Variants in EVI5 observed in about 807,000 individuals in gnomAD.
The protein encoded by EVI5 is ecotropic viral integration site 5, also known as ecotropic viral integration site 5 protein homolog.
EVI5 carries 73 observed loss-of-function variants against 112.0 expected under a neutral mutation model. The observed-to-expected ratio is 0.65, with a 90% CI of 0.54 to 0.79. EVI5 has a LOEUF of 0.79. EVI5 is among the 30% of genes least tolerant of loss of function. The pLI, the probability that EVI5 is intolerant of heterozygous loss-of-function variation, is 0.00. For missense variants in EVI5, 900 were observed against 968.8 expected, an observed-to-expected ratio of 0.93 and a Z score of 0.94; for synonymous variants, 305 against 319.9, an observed-to-expected ratio of 0.95 and a Z score of 0.50.
At chr1:92,670,843 A>G (rs1047998741) in intron 10 of EVI5, among the ~76,000 whole-genome samples, 1 of 152,106 alleles carries the variant, frequency 6.6e-6, no homozygotes, top group African/African-American at 2.4e-5. Context: ...TCCTACCTGC[A>G]TTTTTGCCCA....
rs1309075169 is a variant in EVI5 at position 92,655,728 on chromosome 1, G to C, written c.1392+6991C>G. 2.6e-5 allele frequency among the ~76,000 whole-genome samples: 4 copies of C among 152,012 alleles called. No individual in the cohort carries two copies. In the East Asian group the frequency reaches 7.7e-4, roughly 29 times the overall value. ...AATCAACAACAGTGAAAAAAGACAA[G>C]GAAGGTCATTTTAAAATGATAACGG... On this transcript the variant is annotated intron_variant, in intron 13 of 19. Transcript: ENST00000684568.
chr1:92,783,498 A>AAAG (rs59405894), intron 1 of EVI5, among the ~76,000 whole-genome samples: 38,635 of 128,716 alleles, frequency 0.3, 7,161 homozygotes, highest in African/African-American at 0.42. Flanking sequence ...AAAAAAAAAA[A>AAAG]AAAAAAAAAG....
intron 13 of EVI5, among the ~76,000 whole-genome samples, chr1:92,651,308 A>G (rs1202369833): frequency 6.6e-6 from 1 of 152,222 alleles, no homozygotes; most frequent in African/African-American, 2.4e-5. Flanking sequence ...GAATAAAGAA[A>G]TTAGTTGTTA....
intron 13 of EVI5, among the ~76,000 whole-genome samples, chr1:92,648,538 C>A (rs1310369980): frequency 1.3e-5 from 2 of 151,960 alleles, no homozygotes; most frequent in African/African-American, 4.8e-5. Context: ...CTTATCTTTC[C>A]CCCATCACCA....
intron 2 of EVI5, among the ~76,000 whole-genome samples, chr1:92,717,473 C>A (rs563416182): frequency 6.6e-6 from 1 of 152,098 alleles, no homozygotes; most frequent in Non-Finnish European, 1.5e-5. Context: ...GAAATAAAAT[C>A]CTTTACAGAC....
rs1162059378 is a variant in EVI5, at chr1:92,703,559, T to A, written c.400A>T (p.Ser134Cys). ...FRAIVWQLLC[S>C]AQSMPIKDQY... ...TCCTTAATTGGCATACTTTGTGCAC[T>A]GCATAAAAGTTGCCAAACTATTGCT... The change falls in exon 4 of 20, where the codon AGT becomes TGT. Residue 134 changes from serine (S) to cysteine (C), a missense_variant. Transcript: ENST00000684568. 6.3e-7 allele frequency: 1 copy of A among 1,597,338 alleles called. No individual in the cohort carries two copies.
chr1:92,689,094 C>T (rs952199160), intron 9 of EVI5, among the ~76,000 whole-genome samples: 1 of 152,072 alleles, frequency 6.6e-6, no homozygotes, highest in Admixed American at 6.5e-5. Context: ...TGAAAAGATG[C>T]TTAGTCTTAT....
At chr1:92,628,112 G>A (rs1320097695) in intron 14 of EVI5, among the ~76,000 whole-genome samples, 2 of 152,138 alleles carry the variant, frequency 1.3e-5, no homozygotes, top group Non-Finnish European at 2.9e-5. Flanking sequence ...TTTCATGTTT[G>A]TTGGCCATTT....
At chr1:92,756,215 A>C (rs1185324049) in intron 1 of EVI5, 5 of 417,296 alleles carry the variant, frequency 1.2e-5, no homozygotes, top group African/African-American at 1.0e-4. Context: ...TTAGAAACCT[A>C]TCAGTGGAAT....
intron 1 of EVI5, among the ~76,000 whole-genome samples, chr1:92,754,861 C>A (rs1296597152): frequency 6.6e-6 from 1 of 152,128 alleles, no homozygotes; most frequent in Non-Finnish European, 1.5e-5. Context: ...CCACTGACAG[C>A]CATCCTGGAG....
intron 10 of EVI5, among the ~76,000 whole-genome samples, chr1:92,675,813 G>A (rs944815134): frequency 3.3e-5 from 5 of 151,864 alleles, no homozygotes; most frequent in African/African-American, 1.2e-4. Context: ...AAAATTAGGC[G>A]GGCTTGGTGG....
intron 13 of EVI5, among the ~76,000 whole-genome samples, chr1:92,652,341 G>A (rs1322944310): frequency 6.6e-6 from 1 of 152,110 alleles, no homozygotes; most frequent in Non-Finnish European, 1.5e-5. Context: ...CCGGAGGCTG[G>A]GAAGATGGGA....
At chr1:92,589,350 G>T in intron 18 of EVI5, among the ~76,000 whole-genome samples, 1 of 152,136 alleles carries the variant, frequency 6.6e-6, no homozygotes, top group East Asian at 1.9e-4. Flanking sequence ...AGGGGTCAGG[G>T]AATTCCCTTT....
chr1:92,605,439 G>C (rs774101357), intron 17 of EVI5, 37 bp from the exon 18 acceptor site: 1 of 1,374,744 alleles, frequency 7.3e-7, no homozygotes, highest in Non-Finnish European at 1.0e-6. Flanking sequence ...AAATAAACCA[G>C]GTGTGTTTGG....
chr1:92,702,726 A>C lies in EVI5; in HGVS notation c.565-511T>G, dbSNP rs183824219. On this transcript the variant is annotated intron_variant, in intron 4 of 19. Transcript: ENST00000684568. Reference sequence around the variant, plus strand: ...GAGGCTGAGGCAGGAGAATTGCTTGAACCTGGGAGGTGGAGGTTGCAGTGA... The same window carrying C: ...GAGGCTGAGGCAGGAGAATTGCTTGCACCTGGGAGGTGGAGGTTGCAGTGA... Among the ~76,000 whole-genome samples the C allele has an allele frequency of 3.6e-3, 546 of 151,874 alleles. 1 individual carries two copies. Among genetic ancestry groups the C allele is most frequent in the Non-Finnish European group, 4.6e-3 (311 of 67,954 alleles).
intron 13 of EVI5, among the ~76,000 whole-genome samples, chr1:92,660,600 A>G (rs1343069426): frequency 6.6e-6 from 1 of 151,998 alleles, no homozygotes; most frequent in Non-Finnish European, 1.5e-5. Context: ...CCACAAAGGA[A>G]TGTTCGAGGC....
At chr1:92,695,916 T>C (rs1001680793) in intron 6 of EVI5, among the ~76,000 whole-genome samples, 1 of 152,048 alleles carries the variant, frequency 6.6e-6, no homozygotes, top group African/African-American at 2.4e-5. Context: ...ACTCTAGTAA[T>C]TCAAAACATA....
intron 18 of EVI5, among the ~76,000 whole-genome samples, chr1:92,575,672 C>T (rs753451382): frequency 6.7e-6 from 1 of 148,608 alleles, no homozygotes; most frequent in Admixed American, 6.8e-5. Flanking sequence ...TGGGTTCAAG[C>T]GATTCTCATG....
chr1:92,627,683 C>T (rs558700273), intron 14 of EVI5, among the ~76,000 whole-genome samples: 2 of 152,272 alleles, frequency 1.3e-5, no homozygotes, highest in South Asian at 2.1e-4. Flanking sequence ...TCCACGCCAA[C>T]ATCTACTGTT....
Sources: gnomAD v4.1 joint callset for allele counts (sites outside exome capture counted in the v4.1 genomes callset) on GRCh38, gnomAD v4.1.1 for gene constraint, MANE v1.5 for transcripts, NCBI Gene and HGNC (gene_info 2026-07-23, HGNC 2026-07-21) for gene names.